DOCK3: variants seen among roughly 807,000 people sequenced by gnomAD.
DOCK3 encodes the protein dedicator of cytokinesis 3.
A neutral mutation model predicts 265.6 loss-of-function variants in DOCK3; 60 were observed. The observed-to-expected ratio is 0.23, with a 90% CI of 0.18 to 0.28. The LOEUF is 0.28. Ranked by LOEUF, DOCK3 falls within the 10% of genes least tolerant of loss-of-function variation. The pLI is 1.00. For missense variants in DOCK3, 1,981 were observed against 2,594.3 expected (o/e 0.76, Z 5.14); for synonymous variants, 881 against 938.0 (o/e 0.94, Z 1.11).
chr3:51,184,375 G>C (rs1397764466), intron 12 of DOCK3, among the ~76,000 whole-genome samples: 1 of 151,056 alleles, frequency 6.6e-6, no homozygotes, highest in Non-Finnish European at 1.5e-5. Context: ...GCTGAGTCTA[G>C]GACTAGAGTA....
At chr3:50,879,525 G>A (rs151017204) in intron 3 of DOCK3, among the ~76,000 whole-genome samples, 8,503 of 152,200 alleles carry the variant, frequency 0.056, 412 homozygotes, top group East Asian at 0.2. Flanking sequence ...GATCAAAAGA[G>A]ACAAAGAAGG....
At chr3:50,980,022 G>T (rs908543399) in intron 5 of DOCK3, among the ~76,000 whole-genome samples, 23 of 152,170 alleles carry the variant, frequency 1.5e-4, no homozygotes, top group African/African-American at 5.3e-4. Flanking sequence ...GTGGGCATCT[G>T]TGTCTTGTTC....
At chr3:50,961,642 G>A (rs894942256) in intron 5 of DOCK3, among the ~76,000 whole-genome samples, 2 of 152,136 alleles carry the variant, frequency 1.3e-5, no homozygotes, top group African/African-American at 4.8e-5. Context: ...GGAGAAGGTG[G>A]TAAATGAGAT....
At chr3:50,921,866 C>G (rs1217187025) in intron 4 of DOCK3, among the ~76,000 whole-genome samples, 1 of 152,192 alleles carries the variant, frequency 6.6e-6, no homozygotes, top group Non-Finnish European at 1.5e-5. Flanking sequence ...GGCTGCAGAA[C>G]AGCAAATATT....
chr3:50,895,565 T>G (rs536431254), intron 4 of DOCK3, among the ~76,000 whole-genome samples: 18 of 152,248 alleles, frequency 1.2e-4, no homozygotes, highest in Non-Finnish European at 2.2e-4. Flanking sequence ...GTGCAGAATG[T>G]GCAGGTTTGC....
chr3:51,039,714 C>G (rs1387179832), intron 5 of DOCK3, among the ~76,000 whole-genome samples: 5 of 151,796 alleles, frequency 3.3e-5, no homozygotes, highest in African/African-American at 1.2e-4. Context: ...TTAGATCTCT[C>G]ATTGTCAGTT....
chr3:51,329,381 A>T (rs2084368035), intron 32 of DOCK3, among the ~76,000 whole-genome samples: 1 of 152,150 alleles, frequency 6.6e-6, no homozygotes, highest in South Asian at 2.1e-4. Flanking sequence ...GTACCAATCA[A>T]TCAACAATCA....
chr3:51,111,325 A>G (rs2083506527), intron 9 of DOCK3, among the ~76,000 whole-genome samples: 1 of 152,204 alleles, frequency 6.6e-6, no homozygotes, highest in African/African-American at 2.4e-5. Flanking sequence ...CACTAACTTT[A>G]AAATATACTA....
chr3:50,844,584 A>G (rs1322446222), intron 3 of DOCK3, among the ~76,000 whole-genome samples: 1 of 152,174 alleles, frequency 6.6e-6, no homozygotes, highest in Non-Finnish European at 1.5e-5. Flanking sequence ...CAAAATTGGC[A>G]AAGCTTAATC....
intron 3 of DOCK3, among the ~76,000 whole-genome samples, chr3:50,878,796 C>G (rs191415832): frequency 6.6e-6 from 1 of 152,038 alleles, no homozygotes; most frequent in Non-Finnish European, 1.5e-5. Flanking sequence ...ATATACTCCT[C>G]GAGAAGAGCA....
intron 8 of DOCK3, 88 bp downstream of exon 8, chr3:51,089,372 G>T: frequency 6.9e-7 from 1 of 1,454,186 alleles, no homozygotes; most frequent in South Asian, 1.2e-5. Context: ...GGAAATGACA[G>T]ACACCACTGA....
chr3:51,362,006 C>A lies in DOCK3; in HGVS notation c.5145+9C>A. 6.2e-7 allele frequency: 1 copy of A among 1,600,844 alleles called. No homozygotes were observed. The highest frequency in any genetic ancestry group is 8.5e-7 in the Non-Finnish European group (1 of 1,173,484). ...TGTACCACCACATGCAGGTACAGAG[C>A]TGTCCACGGAGAGTGGGCCAGGGCA... is the stretch of plus-strand genomic sequence containing the variant. On this transcript the variant is annotated intron_variant, in intron 48 of 52. Transcript: ENST00000266037.
At chr3:51,233,506 C>T (rs1225672289) in intron 19 of DOCK3, among the ~76,000 whole-genome samples, 1 of 152,170 alleles carries the variant, frequency 6.6e-6, no homozygotes. Flanking sequence ...GCTGGGATTA[C>T]AGGCATGTGC....
intron 24 of DOCK3, among the ~76,000 whole-genome samples, chr3:51,272,730 A>G (rs940558794): frequency 6.6e-6 from 1 of 152,140 alleles, no homozygotes; most frequent in Admixed American, 6.5e-5. Context: ...CAAGAAAGTC[A>G]TCTTTTTTCC....
intron 46 of DOCK3, 27 bp downstream of exon 46, chr3:51,358,104 C>G: frequency 2.5e-6 from 4 of 1,604,162 alleles, no homozygotes; most frequent in Non-Finnish European, 3.4e-6. Context: ...CCTGCCCCTG[C>G]TGCAGTAGAA....
intron 3 of DOCK3, among the ~76,000 whole-genome samples, chr3:50,843,990 C>T (rs1164665701): frequency 6.6e-6 from 1 of 152,082 alleles, no homozygotes; most frequent in Non-Finnish European, 1.5e-5. Context: ...ATATTATGGT[C>T]CTACTACACT....
At chr3:51,137,968 T>C (rs1351152669) in intron 9 of DOCK3, among the ~76,000 whole-genome samples, 1 of 152,236 alleles carries the variant, frequency 6.6e-6, no homozygotes, top group Non-Finnish European at 1.5e-5. Context: ...CTTTGAAGAA[T>C]ACGAGTACTT....
intron 3 of DOCK3, among the ~76,000 whole-genome samples, chr3:50,861,702 G>T (rs2046918003): frequency 6.7e-6 from 1 of 149,344 alleles, no homozygotes; most frequent in Non-Finnish European, 1.5e-5. Context: ...TTTTTTTCCT[G>T]TTGCTGGTCT....
chr3:51,023,314 T>A (rs1028888807), intron 5 of DOCK3, among the ~76,000 whole-genome samples: 1 of 152,172 alleles, frequency 6.6e-6, no homozygotes, highest in African/African-American at 2.4e-5. Context: ...CTGAAATTCT[T>A]CCTTCTCCTT....
Sources: allele counts gnomAD v4.1 joint callset (sites outside exome capture counted in the v4.1 genomes callset), GRCh38; gene constraint gnomAD v4.1.1; transcripts MANE v1.5; gene names NCBI Gene and HGNC (gene_info 2026-07-23, HGNC 2026-07-21).